Variants in KIF25 observed in about 807,000 individuals in gnomAD.
KIF25 encodes kinesin family member 25.
KIF25 carries 19 observed loss-of-function variants against 32.9 expected under a neutral mutation model. The observed-to-expected ratio is 0.58, with a 90% CI of 0.40 to 0.85. KIF25 has a LOEUF of 0.85. Ranked by LOEUF, KIF25 falls within the 40% of genes least tolerant of loss-of-function variation. The pLI is 0.00. For missense variants in KIF25, 485 were observed against 507.0 expected (o/e 0.96, Z 0.42); for synonymous variants, 225 against 213.7 (o/e 1.05, Z -0.46).
At position 168,036,165 on chromosome 6, in the gene KIF25, CCT is replaced by C. The variant is rs545503060; in HGVS notation, c.317+2140_317+2141del. On this transcript the variant is annotated intron_variant, in intron 8 of 12. Transcript: ENST00000643607. ...TGCCTGGATTCCTTGGCTCTGCACG[CCT>C]CTCTCCTTTCTTCTAAACCTGGTTG... The C allele has an allele frequency of 9.7e-4, 167 of 173,040 alleles. 1 individual carries two copies. Among genetic ancestry groups the C allele is most frequent in the Non-Finnish European group, 1.8e-3 (147 of 79,820 alleles). 10.7% of individuals were successfully genotyped at this position (173,040 alleles called of 1,614,324 possible).
intron 4 of KIF25, among the ~76,000 whole-genome samples, chr6:168,005,542 A>G (rs569451967): frequency 3.3e-5 from 5 of 152,220 alleles, no homozygotes; most frequent in Non-Finnish European, 7.3e-5. Flanking sequence ...GACAGAACGA[A>G]TGGAATAGAT....
rs1176865410 is a variant in KIF25 at position 168,044,979 on chromosome 6, AAG to A, written c.1141_1142del (p.Arg381GlufsTer22). ...KKPPSSQTEG[K>X]RRPD ...GCCGCCCAGCTCCCAAACGGAGGGG[AAG>A]AGGAGGCCGGATTGAATGCATTAAC... is the stretch of plus-strand genomic sequence containing the variant. On this transcript the variant is annotated frameshift_variant, in exon 13 of 13. Coordinates refer to ENST00000643607, the MANE Select transcript of KIF25 (RefSeq NM_030615.4). LOFTEE classifies it high-confidence loss of function. 5 of 1,598,464 alleles carry A rather than the reference AAG, an allele frequency of 3.1e-6. No individual in the cohort carries two copies. Among genetic ancestry groups the A allele is most frequent in the Non-Finnish European group, 3.4e-6 (4 of 1,171,672 alleles).
intron 5 of KIF25, among the ~76,000 whole-genome samples, chr6:168,024,253 G>A (rs1484022947): frequency 6.6e-6 from 1 of 152,180 alleles, no homozygotes; most frequent in Admixed American, 6.5e-5. Flanking sequence ...ATAGCCCCAT[G>A]GCTTAGCTTC....
chr6:167,999,315 G>C lies in KIF25; in HGVS notation c.-375G>C, dbSNP rs1416998928. 6.6e-6 allele frequency: 1 copy of C among 152,280 alleles called. No individual in the cohort carries two copies. Among genetic ancestry groups the C allele is most frequent in the Non-Finnish European group, 1.5e-5 (1 of 68,062 alleles). The allele number at this position is 152,280 out of a possible 1,614,324, so 9.4% of individuals were successfully genotyped here. On this transcript the variant is annotated 5_prime_UTR_variant, in exon 2 of 13. Coordinates refer to ENST00000643607, the MANE Select transcript of KIF25 (RefSeq NM_030615.4). ...GTGAATCCGACGATCCAGTTTTGCAGAGCAGGTAACCTGTGTTTGCACGGT... is the reference window on the plus strand; with the variant it reads ...GTGAATCCGACGATCCAGTTTTGCACAGCAGGTAACCTGTGTTTGCACGGT...
intron 5 of KIF25, 114 bp from the exon 6 acceptor site, chr6:168,029,378 C>A: frequency 1.4e-6 from 1 of 695,322 alleles, no homozygotes; most frequent in Non-Finnish European, 2.2e-6. Context: ...CTTAACTAGA[C>A]AATTAAGGAA....
At chr6:168,002,688 G>A (rs1203758157) in intron 3 of KIF25, 29 bp downstream of exon 3, 1 of 152,172 alleles carries the variant, frequency 6.6e-6, no homozygotes, top group African/African-American at 2.4e-5. Context: ...GCCGGGGCAG[G>A]GATGGTTTCA....
chr6:168,032,794 T>C (rs1051707192), intron 7 of KIF25, among the ~76,000 whole-genome samples: 2 of 152,220 alleles, frequency 1.3e-5, no homozygotes, highest in South Asian at 4.1e-4. Flanking sequence ...AATTTCTGAG[T>C]GCAGGACTTG....
chr6:168,018,642 C>T (rs9355155), intron 5 of KIF25, among the ~76,000 whole-genome samples: 56,678 of 151,998 alleles, frequency 0.37, 10,806 homozygotes, highest in South Asian at 0.42. Context: ...GGCACTGGGT[C>T]GTGGTGTATT....
At chr6:168,034,626 G>A (rs2114904687) in intron 8 of KIF25, among the ~76,000 whole-genome samples, 1 of 152,250 alleles carries the variant, frequency 6.6e-6, no homozygotes, top group Non-Finnish European at 1.5e-5. Context: ...GGTGGGGGAT[G>A]GTGAGGGATG....
chr6:168,006,968 CTTTAT>C (rs750022101), intron 4 of KIF25, among the ~76,000 whole-genome samples: 28 of 152,214 alleles, frequency 1.8e-4, no homozygotes, highest in Non-Finnish European at 2.8e-4. Context: ...TTTTACAATT[CTTTAT>C]TTTAAAGTAT....
chr6:168,000,243 C>CG, intron 2 of KIF25, among the ~76,000 whole-genome samples: 1 of 127,324 alleles, frequency 7.9e-6, no homozygotes, highest in Non-Finnish European at 1.6e-5. Flanking sequence ...CCACTCCCAT[C>CG]CCGACCACGC....
At position 168,030,815 on chromosome 6, in the gene KIF25, TG is replaced by T; in HGVS notation, c.136del (p.Val46CysfsTer49). Reference protein sequence around the residue: ...AESQSAVFGDVCPLLTSLLDG... With the variant: ...AESQSAVFGDXCPLLTSLLDG... Reference sequence around the variant, plus strand: ...AGTCTCAGAGCGCGGTCTTTGGAGATGTGTGCCCCCTACTCACTTCTCTCTT... The same window carrying T: ...AGTCTCAGAGCGCGGTCTTTGGAGATTGTGCCCCCTACTCACTTCTCTCTT... On this transcript the variant is annotated frameshift_variant, in exon 7 of 13. Coordinates refer to ENST00000643607, the MANE Select transcript of KIF25 (RefSeq NM_030615.4). LOFTEE classifies it high-confidence loss of function. The T allele has an allele frequency of 6.2e-7, 1 of 1,613,644 alleles. No individual in the cohort carries two copies. The highest frequency in any genetic ancestry group is 8.5e-7 in the Non-Finnish European group (1 of 1,179,800).
rs1281042466 is a variant in KIF25 at position 167,998,884 on chromosome 6, T to G, written c.-599+14T>G. 6.6e-6 allele frequency: 1 copy of G among 152,156 alleles called. No individual in the cohort carries two copies. Among genetic ancestry groups the G allele is most frequent in the Non-Finnish European group, 1.5e-5 (1 of 68,026 alleles). The allele number at this position is 152,156 out of a possible 1,614,324, so 9.4% of individuals were successfully genotyped here. ...TTGGCCAACATGGTAAAAACCCTTCTGTACTAAAAATACAAAAATTAGCTG... is the reference window on the plus strand; with the variant it reads ...TTGGCCAACATGGTAAAAACCCTTCGGTACTAAAAATACAAAAATTAGCTG... On this transcript the variant is annotated intron_variant, in intron 1 of 12. Coordinates refer to ENST00000643607, the MANE Select transcript of KIF25 (RefSeq NM_030615.4).
chr6:168,025,431 T>C (rs1413544494), intron 5 of KIF25, among the ~76,000 whole-genome samples: 2 of 152,148 alleles, frequency 1.3e-5, no homozygotes. Context: ...GACAAGGTCT[T>C]ACCTTGCATC....
In KIF25 at chr6:168,042,121, C is replaced by A. The variant is rs1489395673; in HGVS notation, c.799C>A (p.Leu267Ile). 7.1e-6 allele frequency: 11 copies of A among 1,550,564 alleles called. No individual in the cohort carries two copies. Among genetic ancestry groups the A allele is most frequent in the Non-Finnish European group, 9.6e-6 (11 of 1,147,440 alleles). Residue 267 changes from leucine to isoleucine, a missense_variant, in exon 11 of 13, where the codon CTC (leucine) becomes ATC (isoleucine). Around this residue, in one of 2 missense-constraint regions of KIF25, gnomAD observed 480 missense variants for 470.3 expected, o/e 1.02. Transcript: ENST00000643607. ...GGAGCAGGTGCAGGCTCGACTACAG[C>A]TCGTGGACTCGGCCGGCAGCGAGTG... is the stretch of plus-strand genomic sequence containing the variant. ...HAEQVQARLQLVDSAGSECVG... is the reference protein window; with the variant it reads ...HAEQVQARLQIVDSAGSECVG...
At chr6:168,039,006 G>C (rs1301802728) in intron 9 of KIF25, among the ~76,000 whole-genome samples, 3 of 151,998 alleles carry the variant, frequency 2.0e-5, no homozygotes, top group Non-Finnish European at 4.4e-5. Context: ...TAATTAGCTG[G>C]AATGGGTGAT....
intron 4 of KIF25, among the ~76,000 whole-genome samples, chr6:168,012,378 G>C (rs1468576117): frequency 6.6e-6 from 1 of 152,192 alleles, no homozygotes; most frequent in African/African-American, 2.4e-5. Flanking sequence ...GATGGACACA[G>C]CAATGTAGTC....
At chr6:168,016,412 T>G (rs1191605930) in intron 4 of KIF25, among the ~76,000 whole-genome samples, 1 of 152,240 alleles carries the variant, frequency 6.6e-6, no homozygotes, top group Admixed American at 6.5e-5. Context: ...GTCGTTTCTG[T>G]GCTGCGATGG....
chr6:168,012,874 GAGGTATATCTGCCA>G (rs1418848668), intron 4 of KIF25, among the ~76,000 whole-genome samples: 1 of 152,170 alleles, frequency 6.6e-6, no homozygotes, highest in Non-Finnish European at 1.5e-5. Flanking sequence ...CAGCTGGCCT[GAGGTATATCTGCCA>G]GGGGTGACCT....
Sources: allele counts gnomAD v4.1 joint callset (sites outside exome capture counted in the v4.1 genomes callset), GRCh38; gene constraint gnomAD v4.1.1; regional missense constraint gnomAD v4.1.1; transcripts MANE v1.5; gene names NCBI Gene and HGNC (gene_info 2026-07-23, HGNC 2026-07-21).